The following TOX3 variants were observed in gnomAD, a reference collection of about 807,000 sequenced individuals.
TOX3 encodes the protein CAG trinucleotide repeat-containing gene F9 protein.
Under a neutral mutation model 64.3 loss-of-function variants are expected in TOX3, and 22 were observed. The observed-to-expected ratio is 0.34, with a 90% CI of 0.24 to 0.49. TOX3 has a LOEUF of 0.49. Ranked by LOEUF, TOX3 falls within the 20% of genes least tolerant of loss-of-function variation. The pLI, the probability that TOX3 is intolerant of heterozygous loss-of-function variation, is 0.99. For missense variants in TOX3, 661 were observed against 714.4 expected (o/e 0.93, Z 0.85); for synonymous variants, 291 against 273.6 (o/e 1.06, Z -0.63).
intron 1 of TOX3, among the ~76,000 whole-genome samples, chr16:52,523,914 G>C (rs1962667509): frequency 6.6e-6 from 1 of 152,130 alleles, no homozygotes; most frequent in South Asian, 2.1e-4. Context: ...TTCATTTAAA[G>C]CATAGCTGCT....
intron 1 of TOX3, among the ~76,000 whole-genome samples, chr16:52,486,752 T>G (rs140437525): frequency 1.3e-5 from 2 of 152,138 alleles, no homozygotes; most frequent in East Asian, 3.9e-4. Flanking sequence ...GGCAACATAT[T>G]GAGACCCCTG....
chr16:52,502,289 T>C (rs1962024639), intron 1 of TOX3, among the ~76,000 whole-genome samples: 1 of 152,214 alleles, frequency 6.6e-6, no homozygotes, highest in Non-Finnish European at 1.5e-5. Context: ...AGCCACACTT[T>C]TCCATGCTTC....
At chr16:52,528,590 G>GGT (rs1195008805) in intron 1 of TOX3, among the ~76,000 whole-genome samples, 2 of 152,048 alleles carry the variant, frequency 1.3e-5, no homozygotes, top group African/African-American at 4.8e-5. Context: ...CGTGCCAGCC[G>GGT]GCCAACTGCT....
intron 3 of TOX3, among the ~76,000 whole-genome samples, chr16:52,463,345 T>C (rs1265065966): frequency 1.3e-5 from 2 of 152,228 alleles, no homozygotes; most frequent in Non-Finnish European, 2.9e-5. Flanking sequence ...ACCAAAATTA[T>C]TGCATTAGTT....
chr16:52,527,012 G>A (rs145964838), intron 1 of TOX3, among the ~76,000 whole-genome samples: 170 of 152,208 alleles, frequency 1.1e-3, no homozygotes, highest in Admixed American at 1.4e-3. Flanking sequence ...GAAACACAGC[G>A]GTCACTACTG....
intron 1 of TOX3, among the ~76,000 whole-genome samples, chr16:52,509,960 G>T (rs1205358899): frequency 6.6e-6 from 1 of 152,066 alleles, no homozygotes; most frequent in East Asian, 1.9e-4. Flanking sequence ...AGTCTAAAAG[G>T]CCCCTCAGTC....
rs201200838 is a variant in TOX3 at position 52,439,822 on chromosome 16, G to C, written c.1134C>G (p.Ser378=). The C allele has an allele frequency of 4.3e-6, 7 of 1,613,774 alleles. No individual in the cohort carries two copies. Among genetic ancestry groups the C allele is most frequent in the Non-Finnish European group, 5.9e-6 (7 of 1,179,870 alleles). ...VSASPQTLQQ[S]LPRSIAPKPL... ...GTTTGGGAGCGATTGACCTAGGGAG[G>C]GATTGCTGGAGAGTCTGAGGTGATG... Residue 378 remains serine, a synonymous_variant, in exon 7 of 7, where the codon TCC becomes TCG. Transcript: ENST00000219746.
intron 1 of TOX3, among the ~76,000 whole-genome samples, chr16:52,474,087 C>G (rs1961135278): frequency 6.6e-6 from 1 of 152,108 alleles, no homozygotes; most frequent in East Asian, 1.9e-4. Context: ...ATGTCCAAAA[C>G]TGAATTCCTC....
intron 1 of TOX3, among the ~76,000 whole-genome samples, chr16:52,479,266 C>T (rs1234193232): frequency 6.6e-6 from 1 of 152,104 alleles, no homozygotes; most frequent in Non-Finnish European, 1.5e-5. Flanking sequence ...TCAAAGTGAG[C>T]CTTGCATACC....
At chr16:52,505,278 C>T (rs1395191132) in intron 1 of TOX3, among the ~76,000 whole-genome samples, 1 of 152,218 alleles carries the variant, frequency 6.6e-6, no homozygotes, top group Non-Finnish European at 1.5e-5. Flanking sequence ...AGAATCAACG[C>T]AATCAAATCG....
intron 1 of TOX3, among the ~76,000 whole-genome samples, chr16:52,512,511 G>A (rs45510793): frequency 2.0e-5 from 3 of 152,292 alleles, no homozygotes; most frequent in East Asian, 1.9e-4. Flanking sequence ...TGCCAGGCAC[G>A]TTCTATGTGC....
rs74250786 is a variant in TOX3 at position 52,482,952 on chromosome 16, A to G, written c.88-14378T>C. Among the ~76,000 whole-genome samples the G allele has an allele frequency of 1.6e-3, 248 of 151,754 alleles. 3 individuals carry two copies. In the East Asian group the frequency reaches 0.034, roughly 21 times the overall value. On this transcript the variant is annotated intron_variant, in intron 1 of 6. Coordinates refer to ENST00000219746, the MANE Select transcript of TOX3 (RefSeq NM_001080430.4). ...ATAATAAAAATAAGTTAGAGGTATG[A>G]TTTTTTTTTAAGAACTGCAGCTGCC...
At position 52,505,124 on chromosome 16, in the gene TOX3, G is replaced by A. The variant is rs571044396; in HGVS notation, c.88-36550C>T. 1.4e-4 allele frequency among the ~76,000 whole-genome samples: 22 copies of A among 152,196 alleles called. No homozygotes were observed. The South Asian group carries it at 1.7e-3, about 11-fold the overall frequency. ...GCTGGGATTACAGGCGTGAACCACC[G>A]CACCCGGCCAAGAAGAGGGTCTTTT... On this transcript the variant is annotated intron_variant, in intron 1 of 6. Coordinates refer to ENST00000219746, the MANE Select transcript of TOX3 (RefSeq NM_001080430.4).
At chr16:52,509,697 T>C (rs1267776640) in intron 1 of TOX3, among the ~76,000 whole-genome samples, 2 of 152,204 alleles carry the variant, frequency 1.3e-5, no homozygotes, top group African/African-American at 4.8e-5. Flanking sequence ...GCCTAATGTG[T>C]ATGCTTATGT....
At chr16:52,479,299 C>A (rs538403512) in intron 1 of TOX3, among the ~76,000 whole-genome samples, 1 of 152,246 alleles carries the variant, frequency 6.6e-6, no homozygotes, top group African/African-American at 2.4e-5. Flanking sequence ...TGTATGCATT[C>A]TAGGCAGGAA....
In TOX3 at chr16:52,436,576, A is replaced by T. The variant is rs1479180712; in HGVS notation, c.*2649T>A. Among the ~76,000 whole-genome samples, 1 of 152,218 alleles carries T rather than the reference A, an allele frequency of 6.6e-6. No homozygotes were observed. Among genetic ancestry groups the T allele is most frequent in the Non-Finnish European group, 1.5e-5 (1 of 68,038 alleles). ...GAATCCTGAAAACAATAATTTGGTAACAAGGTTGAGGAATTCTTTTCATGA... is the reference window on the plus strand; with the variant it reads ...GAATCCTGAAAACAATAATTTGGTATCAAGGTTGAGGAATTCTTTTCATGA... On this transcript the variant is annotated 3_prime_UTR_variant, in exon 7 of 7. Transcript: ENST00000219746.
At chr16:52,506,821 C>T (rs914875291) in intron 1 of TOX3, among the ~76,000 whole-genome samples, 1 of 152,154 alleles carries the variant, frequency 6.6e-6, no homozygotes, top group Non-Finnish European at 1.5e-5. Flanking sequence ...CTCTGACTCT[C>T]CTTAGAATGT....
chr16:52,461,582 C>G (rs1384081532), intron 3 of TOX3, among the ~76,000 whole-genome samples: 1 of 152,086 alleles, frequency 6.6e-6, no homozygotes, highest in African/African-American at 2.4e-5. Context: ...AAAGCTGGTT[C>G]AATACAACAT....
At chr16:52,487,817 T>C (rs1407387339) in intron 1 of TOX3, among the ~76,000 whole-genome samples, 1 of 152,198 alleles carries the variant, frequency 6.6e-6, no homozygotes, top group Non-Finnish European at 1.5e-5. Context: ...TTGATAAATG[T>C]TGATGTTGGG....
Sources: gnomAD v4.1 joint callset for allele counts (sites outside exome capture counted in the v4.1 genomes callset) on GRCh38, gnomAD v4.1.1 for gene constraint, MANE v1.5 for transcripts, NCBI Gene and HGNC (gene_info 2026-07-23, HGNC 2026-07-21) for gene names.